The following GRK7 variants were observed in gnomAD, a reference collection of about 807,000 sequenced individuals.
GRK7 encodes the protein G protein-coupled receptor kinase 7.
In GRK7, 24 loss-of-function variants were observed where a neutral mutation model predicts 34.1. That is an observed-to-expected ratio of 0.70 (90% CI 0.51 to 0.99). The LOEUF (loss-of-function observed/expected upper bound fraction) is 0.99, where lower values mean the gene tolerates loss of function less well. Ranked by LOEUF, GRK7 falls within the 50% of genes least tolerant of loss-of-function variation. GRK7 has a pLI of 0.00. For missense variants in GRK7, 644 were observed against 707.3 expected (o/e 0.91, Z 1.02); for synonymous variants, 256 against 279.4 (o/e 0.92, Z 0.84).
In GRK7 at chr3:141,780,542, A is replaced by AT; in HGVS notation, c.781_782insT (p.Lys261IlefsTer49). 6 of 1,614,258 alleles carry AT rather than the reference A, an allele frequency of 3.7e-6. No homozygotes were observed. Among genetic ancestry groups the AT allele is most frequent in the Non-Finnish European group, 5.1e-6 (6 of 1,180,050 alleles). On this transcript the variant is annotated frameshift_variant, in exon 4 of 6. Transcript: ENST00000682958. LOFTEE classifies it high-confidence loss of function. ...CTCTCTGGCCTATGCCTTTGAGAGC[A>AT]AGACCCATCTCTGCCTTGTCATGAG...
chr3:141,807,144 A>T (rs1274812768), intron 4 of GRK7, among the ~76,000 whole-genome samples: 2 of 152,194 alleles, frequency 1.3e-5, no homozygotes, highest in Admixed American at 1.3e-4. Context: ...TAATGTTATT[A>T]CATAGCACAC....
chr3:141,780,918 GT>G (rs919284913), intron 4 of GRK7, 107 bp downstream of exon 4: 3 of 1,049,888 alleles, frequency 2.9e-6, no homozygotes, highest in East Asian at 2.6e-5. Flanking sequence ...AATTCTTTTG[GT>G]TTTTTTTCCT....
At chr3:141,755,022 T>C in the GRK7 span, among the ~76,000 whole-genome samples, 11 of 152,236 alleles carry the variant, frequency 7.2e-5, no homozygotes, top group Non-Finnish European at 1.0e-4. Flanking sequence ...AAAAATATGA[T>C]GTTACATAAG....
Position 141,780,754 on chromosome 3 carries a change from G to A in GRK7, c.993G>A (p.Arg331=). The A allele has an allele frequency of 6.2e-7, 1 of 1,614,222 alleles. No individual in the cohort carries two copies. The highest frequency in any genetic ancestry group is 1.1e-5 in the South Asian group (1 of 91,090). Residue 331 remains arginine (R), a synonymous_variant, in exon 4 of 6, where the codon AGG becomes AGA. Coordinates refer to ENST00000682958, the MANE Select transcript of GRK7 (RefSeq NM_139209.3). ...NVLLDDLGNC[R]LSDLGLAVEM... ...TTCTGGATGACCTCGGCAACTGCAGGTTATCTGACCTGGGGCTGGCCGTGG... is the reference window on the plus strand; with the variant it reads ...TTCTGGATGACCTCGGCAACTGCAGATTATCTGACCTGGGGCTGGCCGTGG...
At position 141,771,287 on chromosome 3, in the gene GRK7, C is replaced by A. The variant is rs923627689; in HGVS notation, c.-214-3293C>A. On this transcript the variant is annotated intron_variant, in intron 1 of 5. Coordinates refer to ENST00000682958, the MANE Select transcript of GRK7 (RefSeq NM_139209.3). Reference sequence around the variant, plus strand: ...GCCATAAAAAAGAATGGAATCATGTCTTTTTCATCAATGTGGATGGAACTG... The same window carrying A: ...GCCATAAAAAAGAATGGAATCATGTATTTTTCATCAATGTGGATGGAACTG... 6.6e-5 allele frequency among the ~76,000 whole-genome samples: 10 copies of A among 152,232 alleles called. No homozygotes were observed. In the East Asian group the frequency reaches 1.4e-3, roughly 21 times the overall value.
At chr3:141,798,580 G>A (rs966258117) in intron 4 of GRK7, among the ~76,000 whole-genome samples, 1 of 152,206 alleles carries the variant, frequency 6.6e-6, no homozygotes, top group South Asian at 2.1e-4. Flanking sequence ...TGCTGAGACA[G>A]AGGCGCAGGG....
chr3:141,795,171 G>T (rs1406926729), intron 4 of GRK7, among the ~76,000 whole-genome samples: 1 of 152,190 alleles, frequency 6.6e-6, no homozygotes, highest in African/African-American at 2.4e-5. Context: ...TAAAGAGGAA[G>T]GAGCATGCGC....
At chr3:141,804,823 T>TCACATACACTCACATGCA (rs1711009687) in intron 4 of GRK7, among the ~76,000 whole-genome samples, 1 of 144,914 alleles carries the variant, frequency 6.9e-6, no homozygotes, top group Non-Finnish European at 1.5e-5. Context: ...ACAAACATGC[T>TCACATACACTCACATGCA]CACATACACT....
rs2084645493 is a variant in GRK7, at chr3:141,777,452, G to C, written c.-113-720G>C. ...CCATTCTCCTGCCTCAGCCTCCCGAGTAGCTGGGACTACAGGCGCCCGCCA... is the reference window on the plus strand; with the variant it reads ...CCATTCTCCTGCCTCAGCCTCCCGACTAGCTGGGACTACAGGCGCCCGCCA... On this transcript the variant is annotated intron_variant, in intron 2 of 5. Transcript: ENST00000682958. Among the ~76,000 whole-genome samples the C allele has an allele frequency of 3.5e-5, 5 of 143,100 alleles. No homozygotes were observed. In the Admixed American group the frequency reaches 3.5e-4, roughly 10 times the overall value. 93.9% of individuals were successfully genotyped at this position (143,100 alleles called of 152,430 possible).
In GRK7 at chr3:141,817,237, AT is replaced by A; in HGVS notation, c.*188del. 2.0e-6 allele frequency: 1 copy of A among 507,486 alleles called. No individual in the cohort carries two copies. Among genetic ancestry groups the A allele is most frequent in the Non-Finnish European group, 3.4e-6 (1 of 291,092 alleles). The allele number at this position is 507,486 out of a possible 1,614,324, so 31.4% of individuals were successfully genotyped here. A position where few individuals can be genotyped will look rare whatever the true frequency, so the allele number is the denominator to read the frequency against. ...ATTTTCTTTTTCTTTCTTCATAAAGATGAGTAAAGTCTCAGTTTTCACTGAG... is the reference window on the plus strand; with the variant it reads ...ATTTTCTTTTTCTTTCTTCATAAAGAGAGTAAAGTCTCAGTTTTCACTGAG... On this transcript the variant is annotated 3_prime_UTR_variant, in exon 6 of 6. Coordinates refer to ENST00000682958, the MANE Select transcript of GRK7 (RefSeq NM_139209.3).
chr3:141,753,841 A>G, the GRK7 span, among the ~76,000 whole-genome samples: 1 of 152,246 alleles, frequency 6.6e-6, no homozygotes, highest in Non-Finnish European at 1.5e-5. Context: ...TACAGTTTTC[A>G]TAAATGCTAA....
the GRK7 span, among the ~76,000 whole-genome samples, chr3:141,757,129 C>CTTTTTTTTTTTTTTTTTTTTTTTTT: frequency 7.9e-5 from 8 of 101,364 alleles, no homozygotes; most frequent in African/African-American, 1.2e-4. Flanking sequence ...AGATCTTCTT[C>CTTTTTTTTTTTTTTTTTTTTTTTTT]TTTTTTTTTT....
chr3:141,791,231 G>A (rs1327324232), intron 4 of GRK7, among the ~76,000 whole-genome samples: 1 of 152,124 alleles, frequency 6.6e-6, no homozygotes, highest in Non-Finnish European at 1.5e-5. Context: ...TATTTATTTC[G>A]AAGCATCTAT....
intron 1 of GRK7, among the ~76,000 whole-genome samples, chr3:141,773,944 T>C (rs1355588403): frequency 6.6e-6 from 1 of 152,198 alleles, no homozygotes; most frequent in East Asian, 1.9e-4. Flanking sequence ...CTCTTAACTG[T>C]TGGGCCACAT....
intron 2 of GRK7, among the ~76,000 whole-genome samples, chr3:141,777,252 C>T (rs1264543503): frequency 6.6e-6 from 1 of 151,170 alleles, no homozygotes; most frequent in Non-Finnish European, 1.5e-5. Flanking sequence ...GGCCAAGTCC[C>T]TTCATTTCAG....
intron 4 of GRK7, 113 bp from the exon 5 acceptor site, chr3:141,807,532 C>T: frequency 1.0e-6 from 1 of 957,306 alleles, no homozygotes. Flanking sequence ...AGGGTTCCCT[C>T]AACAAGGGAA....
intron 4 of GRK7, among the ~76,000 whole-genome samples, chr3:141,806,233 T>C (rs192667543): frequency 8.1e-4 from 123 of 152,268 alleles, no homozygotes; most frequent in Middle Eastern, 3.4e-3. Flanking sequence ...TTGTTACCTT[T>C]CGTTTCCCAT....
rs556663599 is a variant in GRK7 at position 141,783,388 on chromosome 3, A to C, written c.1050+2577A>C. On this transcript the variant is annotated intron_variant, in intron 4 of 5. Coordinates refer to ENST00000682958, the MANE Select transcript of GRK7 (RefSeq NM_139209.3). ...CAGGCCATGTGTGCCCACGTTGTAG[A>C]TGTGGAACTTGAGGCAGGGGTGAAG... is the stretch of plus-strand genomic sequence containing the variant. Among the ~76,000 whole-genome samples the C allele has an allele frequency of 1.2e-4, 19 of 152,360 alleles. No homozygotes were observed. In the South Asian group the frequency reaches 3.7e-3, roughly 30 times the overall value.
intron 4 of GRK7, among the ~76,000 whole-genome samples, chr3:141,796,179 G>A (rs1710869942): frequency 6.6e-6 from 1 of 152,162 alleles, no homozygotes; most frequent in African/African-American, 2.4e-5. Flanking sequence ...ATGGGAGAGT[G>A]GGGGCTGACG....
Sources: gnomAD v4.1 joint callset for allele counts (sites outside exome capture counted in the v4.1 genomes callset) on GRCh38, gnomAD v4.1.1 for gene constraint, MANE v1.5 for transcripts, NCBI Gene and HGNC (gene_info 2026-07-23, HGNC 2026-07-21) for gene names.